The following NIN variants were observed in gnomAD, a reference collection of about 807,000 sequenced individuals.
NIN encodes the protein ninein.
A neutral mutation model predicts 257.6 loss-of-function variants in NIN; 137 were observed. The ratio of observed to expected loss-of-function variants is 0.53; its 90% confidence interval spans 0.46 to 0.61. The LOEUF (loss-of-function observed/expected upper bound fraction) is 0.61. NIN is among the 20% of genes least tolerant of loss of function. The pLI is 0.00. For synonymous variants in NIN, 918 were observed against 919.8 expected (o/e 1.00, Z 0.04); for missense variants, 2,439 against 2,501.2 (o/e 0.98, Z 0.53).
intron 20 of NIN, among the ~76,000 whole-genome samples, chr14:50,753,743 G>A (rs1462774802): frequency 1.3e-5 from 2 of 151,894 alleles, no homozygotes; most frequent in African/African-American, 2.4e-5. Context: ...AACAATGCAT[G>A]GGCACAGTCA....
chr14:50,808,973 C>A (rs979973305), intron 3 of NIN, among the ~76,000 whole-genome samples: 3 of 152,188 alleles, frequency 2.0e-5, no homozygotes, highest in Non-Finnish European at 4.4e-5. Context: ...GTAATCCCAG[C>A]ATTTTGGGAG....
At position 50,760,303 on chromosome 14, in the gene NIN, C is replaced by T; in HGVS notation, c.1953G>A (p.Gln651=). 1.2e-6 allele frequency: 2 copies of T among 1,608,602 alleles called. No individual in the cohort carries two copies. ...DETVVSCKKA[Q]ENMKQRHENE... is the part of the protein sequence containing the mutation. ...TCTCATGCCTTTGCTTCATGTTCTC[C>T]TGTGCCTTCTTGCAGCTGACCACGG... Residue 651 remains glutamine, a synonymous_variant, in exon 17 of 31, where the codon CAG becomes CAA. Transcript: ENST00000530997.
intron 20 of NIN, among the ~76,000 whole-genome samples, chr14:50,754,187 T>C (rs2041922502): frequency 6.6e-6 from 1 of 152,216 alleles, no homozygotes; most frequent in South Asian, 2.1e-4. Flanking sequence ...TCTGTATATG[T>C]GAAATTCTGC....
intron 2 of NIN, among the ~76,000 whole-genome samples, chr14:50,822,832 G>A (rs1184890484): frequency 6.6e-5 from 10 of 152,236 alleles, no homozygotes; most frequent in African/African-American, 9.6e-5. Flanking sequence ...TAGTCCCAGC[G>A]AGTTTTAGGT....
At position 50,722,098 on chromosome 14, in the gene NIN, C is replaced by T. The variant is rs1406406051; in HGVS notation, c.*1365G>A. 3 of 227,986 alleles carry T rather than the reference C, an allele frequency of 1.3e-5. No individual in the cohort carries two copies. The highest frequency in any genetic ancestry group is 1.3e-3 in the Middle Eastern group (1 of 752). 14.1% of individuals were successfully genotyped at this position (227,986 alleles called of 1,614,324 possible). A position where few individuals can be genotyped will look rare whatever the true frequency, so the allele number is the denominator to read the frequency against. ...GTTGTTGTGATGAACTTGGAAAGTG[C>T]CCTGCACCTAGTAAGTCTTCCACCA... On this transcript the variant is annotated 3_prime_UTR_variant, in exon 31 of 31. Transcript: ENST00000530997.
At position 50,746,576 on chromosome 14, in the gene NIN, G is replaced by T. The variant is rs190232754; in HGVS notation, c.5064+1416C>A. Among the ~76,000 whole-genome samples, 611 of 152,278 alleles carry T rather than the reference G, an allele frequency of 4.0e-3. 3 individuals are homozygous for T. The highest frequency in any genetic ancestry group is 0.019 in the South Asian group (93 of 4,826). ...CTCAATGTTTCCACATTCAGGAAAG[G>T]ACAACTTTGTGCTTACAGGTTGAAG... On this transcript the variant is annotated intron_variant, in intron 22 of 30. Coordinates refer to ENST00000530997, the MANE Select transcript of NIN (RefSeq NM_020921.4).
intron 5 of NIN, among the ~76,000 whole-genome samples, chr14:50,782,454 T>C (rs1350156012): frequency 6.6e-6 from 1 of 152,266 alleles, no homozygotes; most frequent in Admixed American, 6.5e-5. Flanking sequence ...AAAAACCATG[T>C]AGGAACGTGG....
chr14:50,813,027 CAA>C (rs1228495810), intron 3 of NIN, among the ~76,000 whole-genome samples: 2 of 152,180 alleles, frequency 1.3e-5, no homozygotes, highest in Non-Finnish European at 2.9e-5. Context: ...CCTCATCTTT[CAA>C]AGAGATAGTT....
At chr14:50,815,599 A>G (rs11625795) in intron 3 of NIN, among the ~76,000 whole-genome samples, 11,629 of 152,314 alleles carry the variant, frequency 0.076, 610 homozygotes, top group Non-Finnish European at 0.12. Flanking sequence ...GCATATGTTC[A>G]TTGCAGCACT....
At chr14:50,804,068 T>C (rs1320785152) in intron 4 of NIN, among the ~76,000 whole-genome samples, 2 of 152,046 alleles carry the variant, frequency 1.3e-5, no homozygotes, top group East Asian at 3.9e-4. Context: ...GCTAATTTTT[T>C]GTATTGTTAG....
Position 50,758,587 on chromosome 14 carries a change from C to CTA in NIN, c.2441_2442dup (p.Glu815Ter), listed in dbSNP as rs1466539156. ...TGACAATCAGACTGAAACTGGGCTT[C>CTA]TATTTGAGAGGTTCTTCTATTACAC... is the stretch of plus-strand genomic sequence containing the variant. On this transcript the variant is annotated frameshift_variant, in exon 18 of 31. Coordinates refer to ENST00000530997, the MANE Select transcript of NIN (RefSeq NM_020921.4). LOFTEE classifies it high-confidence loss of function. The CTA allele has an allele frequency of 1.2e-6, 2 of 1,600,164 alleles. No individual in the cohort carries two copies. Among genetic ancestry groups the CTA allele is most frequent in the Non-Finnish European group, 8.5e-7 (1 of 1,174,706 alleles).
chr14:50,752,782 TAAAA>T (rs3083537), intron 20 of NIN, 49 bp from the exon 21 acceptor site: 465 of 695,510 alleles, frequency 6.7e-4, no homozygotes, highest in African/African-American at 5.7e-3. Flanking sequence ...CTACTTGTGC[TAAAA>T]AAAAAAAAAA....
In NIN at chr14:50,735,586, A is replaced by C; in HGVS notation, c.5807T>G (p.Leu1936Ter). 1.9e-6 allele frequency: 3 copies of C among 1,612,428 alleles called. No homozygotes were observed. Among genetic ancestry groups the C allele is most frequent in the Non-Finnish European group, 2.5e-6 (3 of 1,179,976 alleles). The stretch of plus-strand genomic sequence containing the variant: ...TTCATTTTCCAAATGAATTGTTTCT[A>C]ATTCTTGTTCAAGGGAATTCATCTG... ...VSQMNSLEQE[L>*]ETIHLENEGL... The change falls in exon 28 of 31, where the codon TTA becomes TGA. Residue 1936 changes from leucine to a stop codon, truncating the protein, a stop_gained. Coordinates refer to ENST00000530997, the MANE Select transcript of NIN (RefSeq NM_020921.4). LOFTEE classifies it high-confidence loss of function.
intron 2 of NIN, among the ~76,000 whole-genome samples, chr14:50,829,303 C>T (rs1401250885): frequency 6.6e-6 from 1 of 152,182 alleles, no homozygotes; most frequent in African/African-American, 2.4e-5. Flanking sequence ...CACCAATATT[C>T]CAGGTCAGCC....
intron 29 of NIN, chr14:50,727,729 G>A (rs2140327195): frequency 7.0e-7 from 1 of 1,430,964 alleles, no homozygotes; most frequent in Non-Finnish European, 9.4e-7. Context: ...TGCGTGCACT[G>A]CTCGCTGCTC....
In NIN at chr14:50,805,699, A is replaced by G. The variant is rs1373779566; in HGVS notation, c.265+1038T>C. ...GATTTATGCTCAGTTTCAAAACTGGACTATATTTTTGATGTTCTCTTTTTT... is the reference window on the plus strand; with the variant it reads ...GATTTATGCTCAGTTTCAAAACTGGGCTATATTTTTGATGTTCTCTTTTTT... On this transcript the variant is annotated intron_variant, in intron 4 of 30. Coordinates refer to ENST00000530997, the MANE Select transcript of NIN (RefSeq NM_020921.4). Among the ~76,000 whole-genome samples the G allele has an allele frequency of 4.6e-5, 7 of 152,194 alleles. No individual in the cohort carries two copies. The East Asian group carries it at 1.3e-3, about 29-fold the overall frequency.
rs1257410961 is a variant in NIN at position 50,729,732 on chromosome 14, C to T, written c.5878-9G>A. On this transcript the variant is annotated splice_polypyrimidine_tract_variant and intron_variant, in intron 28 of 30. Transcript: ENST00000530997. ...GACCTCAGGTGCTGCATCTGAAGGA[C>T]AAGGGCAAAGCCCTGTTCAGCTGAG... is the stretch of plus-strand genomic sequence containing the variant. 1.3e-6 allele frequency: 2 copies of T among 1,587,770 alleles called. No homozygotes were observed. The highest frequency in any genetic ancestry group is 2.7e-5 in the African/African-American group (2 of 74,382).
intron 2 of NIN, among the ~76,000 whole-genome samples, chr14:50,828,213 G>C (rs1032401993): frequency 6.6e-6 from 1 of 152,048 alleles, no homozygotes; most frequent in Non-Finnish European, 1.5e-5. Context: ...TGAGGTGTAA[G>C]TGAAGGTGAT....
At chr14:50,726,758 G>GA (rs2040427557) in intron 29 of NIN, among the ~76,000 whole-genome samples, 1 of 152,190 alleles carries the variant, frequency 6.6e-6, no homozygotes, top group South Asian at 2.1e-4. Flanking sequence ...GACCTAGAGA[G>GA]ATTAGAATGC....
Sources: allele counts gnomAD v4.1 joint callset (sites outside exome capture counted in the v4.1 genomes callset), GRCh38; gene constraint gnomAD v4.1.1; transcripts MANE v1.5; gene names NCBI Gene and HGNC (gene_info 2026-07-23, HGNC 2026-07-21).